U2SURP: variants seen among roughly 807,000 people sequenced by gnomAD.
The protein encoded by U2SURP is U2 snRNP associated SURP domain containing.
A neutral mutation model predicts 144.9 loss-of-function variants in U2SURP; 9 were observed. The observed-to-expected ratio is 0.06, with a 90% CI of 0.04 to 0.11. The LOEUF (loss-of-function observed/expected upper bound fraction) is 0.11. Among genes scored for constraint, U2SURP ranks in the 10% least tolerant of loss-of-function variants. The pLI is 1.00. For missense variants in U2SURP, 724 were observed against 1,226.7 expected, an observed-to-expected ratio of 0.59 and a Z score of 6.12; for synonymous variants, 408 against 396.8, an observed-to-expected ratio of 1.03 and a Z score of -0.33.
At chr3:143,035,027 G>T in intron 19 of U2SURP, 52 bp downstream of exon 19, 3 of 250,108 alleles carry the variant, frequency 1.2e-5, no homozygotes, top group Non-Finnish European at 8.6e-6. Flanking sequence ...TGGGTGGGGG[G>T]AGGGCATTGA....
Position 143,033,365 on chromosome 3 carries a change from A to G in U2SURP, c.1853+15A>G, listed in dbSNP as rs772262634. On this transcript the variant is annotated intron_variant, in intron 18 of 27. Transcript: ENST00000473835. Reference sequence around the variant, plus strand: ...TATAGAAAATTGTAAGTATAATGATATAACTGATATTCCTGAAATAAAGTA... The same window carrying G: ...TATAGAAAATTGTAAGTATAATGATGTAACTGATATTCCTGAAATAAAGTA... 4 of 1,280,756 alleles carry G rather than the reference A, an allele frequency of 3.1e-6. No homozygotes were observed. In the South Asian group the frequency reaches 5.2e-5, roughly 17 times the overall value. The allele number at this position is 1,280,756 out of a possible 1,614,324, so 79.3% of individuals were successfully genotyped here. A position where few individuals can be genotyped will look rare whatever the true frequency, so the allele number is the denominator to read the frequency against.
At position 143,038,903 on chromosome 3, in the gene U2SURP, C is replaced by T. The variant is rs1163477303; in HGVS notation, c.2327C>T (p.Thr776Ile). The change falls in exon 23 of 28, where the codon ACT becomes ATT. Residue 776 changes from threonine to isoleucine, a missense_variant. Coordinates refer to ENST00000473835, the MANE Select transcript of U2SURP (RefSeq NM_001080415.2). Reference protein sequence around the residue: ...ESELEAQAVTTSKWELFDQHE... With the variant: ...ESELEAQAVTISKWELFDQHE... The stretch of plus-strand genomic sequence containing the variant: ...TTTTCCTTTCATTCAGCTGTTACAA[C>T]TTCTAAATGGGAATTATTTGACCAG... 6.5e-7 allele frequency: 1 copy of T among 1,542,178 alleles called. No individual in the cohort carries two copies.
Position 143,058,330 on chromosome 3 carries a change from A to G in U2SURP, c.*1880A>G, listed in dbSNP as rs1224805155. The G allele has an allele frequency of 6.6e-6, 1 of 151,938 alleles. No individual in the cohort carries two copies. Among genetic ancestry groups the G allele is most frequent in the Non-Finnish European group, 1.5e-5 (1 of 67,850 alleles). 9.4% of individuals were successfully genotyped at this position (151,938 alleles called of 1,614,324 possible). A position where few individuals can be genotyped will look rare whatever the true frequency, so the allele number is the denominator to read the frequency against. On this transcript the variant is annotated 3_prime_UTR_variant, in exon 28 of 28. Coordinates refer to ENST00000473835, the MANE Select transcript of U2SURP (RefSeq NM_001080415.2). ...AGGGATGCTTATTTCTCTTCAAAAA[A>G]AGACATCCTGCGGGATTGAGTAGAA...
At chr3:143,027,098 T>C in intron 13 of U2SURP, 51 bp from the exon 14 acceptor site, 1 of 1,358,144 alleles carries the variant, frequency 7.4e-7, no homozygotes, top group Non-Finnish European at 1.1e-6. Flanking sequence ...AGTGTAGTTT[T>C]ATATAGTGGT....
Position 143,059,443 on chromosome 3 carries a change from T to G in U2SURP, c.*2993T>G, listed in dbSNP as rs1289234031. The G allele has an allele frequency of 6.6e-6, 1 of 152,040 alleles. No homozygotes were observed. Among genetic ancestry groups the G allele is most frequent in the East Asian group, 1.9e-4 (1 of 5,204 alleles). The allele number at this position is 152,040 out of a possible 1,614,324, so 9.4% of individuals were successfully genotyped here. ...ATTCTTGAGCACTTGAAAATACTTTTGAGAAATTTTAACTGTGATTAAATT... is the reference window on the plus strand; with the variant it reads ...ATTCTTGAGCACTTGAAAATACTTTGGAGAAATTTTAACTGTGATTAAATT... On this transcript the variant is annotated 3_prime_UTR_variant, in exon 28 of 28. Coordinates refer to ENST00000473835, the MANE Select transcript of U2SURP (RefSeq NM_001080415.2).
At chr3:143,012,195 T>G in intron 2 of U2SURP, 27 bp from the exon 3 acceptor site, 1 of 1,603,108 alleles carries the variant, frequency 6.2e-7, no homozygotes, top group Non-Finnish European at 8.5e-7. Flanking sequence ...TGGTTTGTTT[T>G]TTTCTCTTGT....
chr3:143,037,139 C>T, intron 20 of U2SURP, 40 bp from the exon 21 acceptor site: 11 of 1,581,584 alleles, frequency 7.0e-6, no homozygotes, highest in Non-Finnish European at 9.5e-6. Context: ...GTGACTTCAG[C>T]AAGCAAAGGA....
At position 143,012,145 on chromosome 3, in the gene U2SURP, G is replaced by A. The variant is rs1416986758; in HGVS notation, c.91-77G>A. ...ATGAAATTTGTCAATATCTGGCATG[G>A]CTTATTCCTAGTTTTCAGTGCTATA... On this transcript the variant is annotated intron_variant, in intron 2 of 27. Transcript: ENST00000473835. 38 of 1,515,652 alleles carry A rather than the reference G, an allele frequency of 2.5e-5. 2 individuals are homozygous for A. In the South Asian group the frequency reaches 4.2e-4, roughly 17 times the overall value. 93.9% of individuals were successfully genotyped at this position (1,515,652 alleles called of 1,614,324 possible). A position where few individuals can be genotyped will look rare whatever the true frequency, so the allele number is the denominator to read the frequency against.
chr3:143,027,362 A>C, intron 14 of U2SURP, 109 bp downstream of exon 14: 1 of 738,814 alleles, frequency 1.4e-6, no homozygotes, highest in Admixed American at 2.8e-5. Context: ...TTGTTGTACA[A>C]CCATCACCAC....
At chr3:143,025,780 T>G (rs1933112278) in intron 13 of U2SURP, 1 of 152,158 alleles carries the variant, frequency 6.6e-6, no homozygotes, top group South Asian at 2.1e-4. Context: ...ATGCAATTTT[T>G]TTTACTTCCT....
intron 25 of U2SURP, among the ~76,000 whole-genome samples, chr3:143,052,651 T>C (rs1002849130): frequency 6.6e-6 from 1 of 152,214 alleles, no homozygotes; most frequent in Non-Finnish European, 1.5e-5. Flanking sequence ...AGTTGAGTAG[T>C]TGTGGCAGAG....
intron 5 of U2SURP, among the ~76,000 whole-genome samples, 182 bp downstream of exon 5, chr3:143,016,553 A>G (rs575960064): frequency 6.6e-6 from 1 of 152,308 alleles, no homozygotes; most frequent in South Asian, 2.1e-4. Context: ...TAAATGGCCA[A>G]GTGTCAATTA....
chr3:143,052,181 G>T (rs1256312063), intron 25 of U2SURP, among the ~76,000 whole-genome samples: 1 of 152,122 alleles, frequency 6.6e-6, no homozygotes, highest in Non-Finnish European at 1.5e-5. Flanking sequence ...AATCACCTGA[G>T]GTCAGGAGTT....
At chr3:143,038,549 A>G (rs1327785860) in intron 22 of U2SURP, among the ~76,000 whole-genome samples, 1 of 152,068 alleles carries the variant, frequency 6.6e-6, no homozygotes, top group Non-Finnish European at 1.5e-5. Flanking sequence ...ATAATGCTAG[A>G]CTGATTAGAT....
chr3:143,033,444 A>G (rs943769943), intron 18 of U2SURP, 94 bp downstream of exon 18: 6 of 678,008 alleles, frequency 8.8e-6, no homozygotes, highest in East Asian at 2.9e-5. Flanking sequence ...TCCTGCAAGA[A>G]TAAGAAGTAC....
At chr3:143,011,865 C>G in intron 2 of U2SURP, 1 of 436,814 alleles carries the variant, frequency 2.3e-6, no homozygotes, top group Non-Finnish European at 4.5e-6. Context: ...ATGAAACTAG[C>G]TGCTTTTTTC....
chr3:143,038,854 T>C (rs755285165), intron 22 of U2SURP, 40 bp from the exon 23 acceptor site: 11 of 1,467,630 alleles, frequency 7.5e-6, no homozygotes, highest in Non-Finnish European at 1.0e-5. Context: ...AAATGCTAGT[T>C]TACCTCGTGG....
Position 143,037,193 on chromosome 3 carries a change from C to T in U2SURP, c.2079C>T (p.Asp693=), listed in dbSNP as rs376506538. The T allele has an allele frequency of 5.0e-6, 8 of 1,611,694 alleles. No homozygotes were observed. Among genetic ancestry groups the T allele is most frequent in the African/African-American group, 2.7e-5 (2 of 74,978 alleles). ...CATTTCCATAGGATGTTCCAGATGA[C>T]CTTGATGGTGCCCCCATCGAGGAAG... ...EEKETEDVPD[D]LDGAPIEEEL... Residue 693 remains aspartate (D), a synonymous_variant, in exon 21 of 28, where the codon GAC becomes GAT. Transcript: ENST00000473835.
Position 143,032,822 on chromosome 3 carries a change from C to G in U2SURP, c.1649C>G (p.Thr550Ser), listed in dbSNP as rs754486084. 6.2e-6 allele frequency: 10 copies of G among 1,613,438 alleles called. No individual in the cohort carries two copies. In the South Asian group the frequency reaches 1.1e-4, roughly 18 times the overall value. ...DKLEEILRGL[T>S]PRKNDIGDAM... ...TTGGAAGAAATCTTGCGGGGATTAA[C>G]TCCAAGGAAAAATGATATTGGAGAT... Residue 550 changes from threonine to serine, a missense_variant, in exon 17 of 28, where the codon ACT becomes AGT. By Grantham distance (58) the Thr-to-Ser change is moderately conservative. This residue lies in a region of U2SURP where 66 missense variants were observed against 95.0 expected (regional missense o/e 0.69). Transcript: ENST00000473835.
Sources: gnomAD v4.1 joint callset for allele counts (sites outside exome capture counted in the v4.1 genomes callset) on GRCh38, gnomAD v4.1.1 for gene constraint, gnomAD v4.1.1 regional missense constraint, MANE v1.5 for transcripts, NCBI Gene and HGNC (gene_info 2026-07-23, HGNC 2026-07-21) for gene names.